CDH18: variants seen among roughly 807,000 people sequenced by gnomAD.
CDH18 encodes the protein cadherin-18.
A neutral mutation model predicts 67.9 loss-of-function variants in CDH18; 31 were observed. That is an observed-to-expected ratio of 0.46 (90% CI 0.34 to 0.62). The LOEUF is 0.62. Among genes scored for constraint, CDH18 ranks in the 20% least tolerant of loss-of-function variants. The pLI, the probability that CDH18 is intolerant of heterozygous loss-of-function variation, is 0.01. For synonymous variants in CDH18, 362 were observed against 347.2 expected, an observed-to-expected ratio of 1.04 and a Z score of -0.48; for missense variants, 890 against 975.5, an observed-to-expected ratio of 0.91 and a Z score of 1.17.
At chr5:20,288,260 T>C (rs1302291733) in intron 1 of CDH18, among the ~76,000 whole-genome samples, 1 of 151,722 alleles carries the variant, frequency 6.6e-6, no homozygotes, top group African/African-American at 2.4e-5. Context: ...TAGAAATCAT[T>C]TATGACAATT....
chr5:19,825,267 G>A (rs1168686872), intron 3 of CDH18, among the ~76,000 whole-genome samples: 1 of 152,160 alleles, frequency 6.6e-6, no homozygotes, highest in Non-Finnish European at 1.5e-5. Flanking sequence ...AGCAATGCCA[G>A]CTAGAGCTTC....
chr5:19,554,263 T>C (rs1030875735), intron 8 of CDH18, among the ~76,000 whole-genome samples: 21 of 152,208 alleles, frequency 1.4e-4, no homozygotes, highest in Admixed American at 1.1e-3. Context: ...CTGGTATTTA[T>C]GACTCTAAGT....
chr5:20,198,079 C>T (rs534629470), intron 2 of CDH18, among the ~76,000 whole-genome samples: 1 of 152,238 alleles, frequency 6.6e-6, no homozygotes, highest in South Asian at 2.1e-4. Flanking sequence ...CTGAGGCATC[C>T]CCAGCCATGT....
At chr5:20,051,842 C>T (rs2117882) in intron 2 of CDH18, among the ~76,000 whole-genome samples, 149,702 of 152,104 alleles carry the variant, frequency 0.98, 73,721 homozygotes, top group Middle Eastern at 1. Context: ...AATGTAAACA[C>T]GATATATGTC....
At chr5:20,388,384 G>C in intron 1 of CDH18, among the ~76,000 whole-genome samples, 1 of 152,028 alleles carries the variant, frequency 6.6e-6, no homozygotes, top group Non-Finnish European at 1.5e-5. Context: ...TCTGATGGTA[G>C]TTTGTATTTC....
At chr5:19,973,466 T>C (rs1173882122) in intron 2 of CDH18, among the ~76,000 whole-genome samples, 3 of 152,122 alleles carry the variant, frequency 2.0e-5, no homozygotes, top group Non-Finnish European at 4.4e-5. Flanking sequence ...GGAAATCTCT[T>C]AAACCTTGGA....
intron 5 of CDH18, among the ~76,000 whole-genome samples, chr5:19,695,061 C>A (rs1355468000): frequency 6.6e-6 from 1 of 152,106 alleles, no homozygotes; most frequent in Non-Finnish European, 1.5e-5. Context: ...TGCCCTCTAT[C>A]CCACTTGATT....
chr5:20,207,629 T>A (rs1256718723), intron 2 of CDH18, among the ~76,000 whole-genome samples: 2 of 151,988 alleles, frequency 1.3e-5, no homozygotes, highest in South Asian at 4.1e-4. Flanking sequence ...TTCACTATCA[T>A]GAGAACAGCA....
intron 1 of CDH18, among the ~76,000 whole-genome samples, chr5:20,483,653 C>CAAA (rs61319784): frequency 7.8e-6 from 1 of 128,932 alleles, no homozygotes; most frequent in African/African-American, 2.7e-5. Flanking sequence ...AGAAAGTTGC[C>CAAA]AAAAAAAAAA....
chr5:19,629,088 C>G (rs1246370813), intron 5 of CDH18, among the ~76,000 whole-genome samples: 1 of 152,124 alleles, frequency 6.6e-6, no homozygotes, highest in Non-Finnish European at 1.5e-5. Context: ...CTGTGGCAGT[C>G]TGCCCTAAAT....
intron 1 of CDH18, among the ~76,000 whole-genome samples, chr5:20,532,806 T>C (rs1261226287): frequency 6.6e-6 from 1 of 152,134 alleles, no homozygotes; most frequent in Admixed American, 6.6e-5. Context: ...TAGTTAACCA[T>C]AAATAATCTC....
intron 2 of CDH18, among the ~76,000 whole-genome samples, chr5:19,900,428 G>A (rs1017531768): frequency 2.6e-5 from 4 of 152,024 alleles, no homozygotes; most frequent in Non-Finnish European, 5.9e-5. Flanking sequence ...TTAAGCTGAT[G>A]GATATTTAAT....
At chr5:19,732,127 T>A (rs530675304) in intron 4 of CDH18, among the ~76,000 whole-genome samples, 1 of 151,232 alleles carries the variant, frequency 6.6e-6, no homozygotes, top group African/African-American at 2.4e-5. Context: ...TTTTTAAAAC[T>A]ATGAGAAAGG....
chr5:19,745,512 T>G (rs1769875496), intron 4 of CDH18, among the ~76,000 whole-genome samples: 1 of 152,200 alleles, frequency 6.6e-6, no homozygotes, highest in Non-Finnish European at 1.5e-5. Context: ...GTTGCCTTCC[T>G]AAGGCAGAGG....
At chr5:19,660,138 A>G (rs1298957484) in intron 5 of CDH18, among the ~76,000 whole-genome samples, 1 of 152,118 alleles carries the variant, frequency 6.6e-6, no homozygotes, top group Admixed American at 6.6e-5. Flanking sequence ...TTCAGTTTCT[A>G]TAAGTCGTTT....
intron 3 of CDH18, among the ~76,000 whole-genome samples, chr5:19,836,320 C>A (rs1308377686): frequency 6.6e-6 from 1 of 152,144 alleles, no homozygotes. Context: ...CACATCCTCT[C>A]CAGCATCTGT....
intron 2 of CDH18, among the ~76,000 whole-genome samples, chr5:20,007,234 T>C (rs1467876737): frequency 6.6e-6 from 1 of 151,960 alleles, no homozygotes; most frequent in Non-Finnish European, 1.5e-5. Flanking sequence ...TATTACCAAG[T>C]GCATTTCAAA....
chr5:19,648,248 C>G (rs1229287953), intron 5 of CDH18, among the ~76,000 whole-genome samples: 1 of 151,998 alleles, frequency 6.6e-6, no homozygotes. Flanking sequence ...AAAACCGTCT[C>G]TACTAAAAAT....
chr5:20,052,559 T>C (rs1741527959), intron 2 of CDH18, among the ~76,000 whole-genome samples: 1 of 152,106 alleles, frequency 6.6e-6, no homozygotes. Flanking sequence ...TTTCTTTAGT[T>C]ATAGAACCTC....
Sources: gnomAD v4.1 joint callset for allele counts (sites outside exome capture counted in the v4.1 genomes callset) on GRCh38, gnomAD v4.1.1 for gene constraint, MANE v1.5 for transcripts, NCBI Gene and HGNC (gene_info 2026-07-23, HGNC 2026-07-21) for gene names.